The following VPS13A variants were observed in gnomAD, a reference collection of about 807,000 sequenced individuals.
The protein encoded by VPS13A is vacuolar protein sorting 13 homolog A.
A neutral mutation model predicts 390.9 loss-of-function variants in VPS13A; 264 were observed. That is an observed-to-expected ratio of 0.68 (90% CI 0.61 to 0.75). The LOEUF (loss-of-function observed/expected upper bound fraction) is 0.75. Ranked by LOEUF, VPS13A falls within the 30% of genes least tolerant of loss-of-function variation. The pLI is 0.00. For missense variants in VPS13A, 3,409 were observed against 3,733.9 expected (o/e 0.91, Z 2.27); for synonymous variants, 1,231 against 1,227.1 (o/e 1.00, Z -0.07).
chr9:77,221,995 T>C (rs1430461235), intron 13 of VPS13A, among the ~76,000 whole-genome samples: 1 of 152,158 alleles, frequency 6.6e-6, no homozygotes, highest in Non-Finnish European at 1.5e-5. Context: ...TATTTTTGTA[T>C]TAATCTTGTC....
intron 68 of VPS13A, among the ~76,000 whole-genome samples, chr9:77,389,308 C>CTTT (rs57239835): frequency 1.5e-5 from 2 of 137,716 alleles, no homozygotes; most frequent in Admixed American, 7.3e-5. Context: ...AAGCAGAACT[C>CTTT]TTTTTTTTTT....
At chr9:77,319,049 C>T (rs892142002) in intron 41 of VPS13A, among the ~76,000 whole-genome samples, 1 of 151,746 alleles carries the variant, frequency 6.6e-6, no homozygotes, top group African/African-American at 2.4e-5. Flanking sequence ...AAAAATTAGC[C>T]AGTGGTGGTG....
Position 77,227,428 on chromosome 9 carries a change from A to C in VPS13A, c.1395A>C (p.Leu465Phe). Residue 465 changes from leucine to phenylalanine, a missense_variant, in exon 16 of 72, where the codon TTA becomes TTC. By Grantham distance (22) the Leu-to-Phe change is conservative (BLOSUM62 0). Coordinates refer to ENST00000360280, the MANE Select transcript of VPS13A (RefSeq NM_033305.3). ...EEMLTPEEKA[L>F]LYEAIGYSET... The stretch of plus-strand genomic sequence containing the variant: ...TGTTGACACCTGAAGAAAAAGCTTT[A>C]CTCTATGAAGCAATTGGCTATAGTG... 1 of 1,613,610 alleles carries C rather than the reference A, an allele frequency of 6.2e-7. No homozygotes were observed. The highest frequency in any genetic ancestry group is 8.5e-7 in the Non-Finnish European group (1 of 1,179,824).
chr9:77,236,799 T>C (rs1030439607), intron 17 of VPS13A, among the ~76,000 whole-genome samples: 10 of 152,224 alleles, frequency 6.6e-5, no homozygotes, highest in Non-Finnish European at 1.5e-4. Context: ...TGCGCCCATA[T>C]TAATGTAGAT....
chr9:77,209,116 T>G (rs1825834664), intron 5 of VPS13A, among the ~76,000 whole-genome samples: 1 of 152,218 alleles, frequency 6.6e-6, no homozygotes, highest in African/African-American at 2.4e-5. Context: ...TTAAGTCTAT[T>G]GTAATTCTTA....
intron 23 of VPS13A, among the ~76,000 whole-genome samples, chr9:77,271,726 A>G (rs73654005): frequency 0.069 from 10,455 of 152,264 alleles, 409 homozygotes; most frequent in South Asian, 0.12. Context: ...ACGCAGGATT[A>G]CTTGGCAATT....
chr9:77,214,249 C>T, intron 9 of VPS13A, 80 bp from the exon 10 acceptor site: 1 of 1,256,150 alleles, frequency 8.0e-7, no homozygotes, highest in South Asian at 1.2e-5. Flanking sequence ...GCCCTCCAGC[C>T]TGGGTGACAG....
chr9:77,266,930 T>G lies in VPS13A; in HGVS notation c.2428-6350T>G, dbSNP rs1311343146. Reference sequence around the variant, plus strand: ...CTAAGTTGATCTTCAATCTCTGATATCCTTTCTTCCGCTTGATCGATTTGG... The same window carrying G: ...CTAAGTTGATCTTCAATCTCTGATAGCCTTTCTTCCGCTTGATCGATTTGG... On this transcript the variant is annotated intron_variant, in intron 23 of 71. Transcript: ENST00000360280. 3.3e-5 allele frequency among the ~76,000 whole-genome samples: 5 copies of G among 152,140 alleles called. No homozygotes were observed. The East Asian group carries it at 9.7e-4, about 30-fold the overall frequency.
chr9:77,336,182 A>G (rs1830528379), intron 46 of VPS13A, among the ~76,000 whole-genome samples: 1 of 152,110 alleles, frequency 6.6e-6, no homozygotes, highest in Admixed American at 6.5e-5. Context: ...GGAGGGGAAC[A>G]TCACTCCCTG....
In VPS13A at chr9:77,177,716, G is replaced by A. The variant is rs1237975830; in HGVS notation, c.12G>A (p.Glu4=). MVF[E]SVVVDVLNRF... ...CACGGCTGAGGAACATGGTTTTCGA[G>A]TCGGTGGTCGTGGACGTGTTGAACC... Residue 4 remains glutamate (E), a synonymous_variant, in exon 1 of 72, where the codon GAG becomes GAA. Coordinates refer to ENST00000360280, the MANE Select transcript of VPS13A (RefSeq NM_033305.3). 1.2e-6 allele frequency: 2 copies of A among 1,613,492 alleles called. No homozygotes were observed. Among genetic ancestry groups the A allele is most frequent in the East Asian group, 2.2e-5 (1 of 44,834 alleles).
chr9:77,340,874 A>G (rs1830771143), intron 50 of VPS13A, among the ~76,000 whole-genome samples: 1 of 152,200 alleles, frequency 6.6e-6, no homozygotes, highest in Non-Finnish European at 1.5e-5. Flanking sequence ...CTCTCTAGGA[A>G]GCTATTAGGA....
intron 52 of VPS13A, among the ~76,000 whole-genome samples, chr9:77,350,626 T>G (rs1173738399): frequency 6.6e-6 from 1 of 152,188 alleles, no homozygotes; most frequent in East Asian, 1.9e-4. Context: ...ATCATTGAAC[T>G]GTGAGAGTAA....
In VPS13A at chr9:77,329,794, GAATTTA is replaced by G. The variant is rs555653737; in HGVS notation, c.5992-2215_5992-2210del. 2.1e-4 allele frequency among the ~76,000 whole-genome samples: 32 copies of G among 152,226 alleles called. No homozygotes were observed. In the South Asian group the frequency reaches 6.0e-3, roughly 29 times the overall value. On this transcript the variant is annotated intron_variant, in intron 45 of 71. Coordinates refer to ENST00000360280, the MANE Select transcript of VPS13A (RefSeq NM_033305.3). ...TATAAAACAAGGTATGTGTATATATGAATTTACTACTTTTGATAGTCAGGAGAAATG... is the reference window on the plus strand; with the variant it reads ...TATAAAACAAGGTATGTGTATATATGCTACTTTTGATAGTCAGGAGAAATG...
rs193125323 is a variant in VPS13A at position 77,371,056 on chromosome 9, T to A, written c.8984T>A (p.Phe2995Tyr). ...CAAAAAGGAGGAGCAGCTGGTTTCT[T>A]TAAAGGTGTTGGGAAAGGTTTAGTA... The part of the protein sequence containing the change: ...GAQKGGAAGF[F>Y]KGVGKGLVGA... The change falls in exon 67 of 72, where the codon TTT (phenylalanine) becomes TAT (tyrosine). Residue 2995 changes from phenylalanine (F) to tyrosine (Y), a missense_variant. Physicochemically the swap from Phe to Tyr is conservative, Grantham distance 22. Around this residue, in one of 5 missense-constraint regions of VPS13A, gnomAD observed 318 missense variants for 333.7 expected, o/e 0.95. Coordinates refer to ENST00000360280, the MANE Select transcript of VPS13A (RefSeq NM_033305.3). 6.8e-6 allele frequency: 11 copies of A among 1,614,136 alleles called. No individual in the cohort carries two copies. The Admixed American group carries it at 1.7e-4, about 24-fold the overall frequency.
At chr9:77,379,649 C>T (rs1425376962) in intron 67 of VPS13A, among the ~76,000 whole-genome samples, 1 of 152,198 alleles carries the variant, frequency 6.6e-6, no homozygotes, top group Non-Finnish European at 1.5e-5. Flanking sequence ...GCTGGGATTA[C>T]AGGCATGAGC....
At chr9:77,382,485 T>G in intron 68 of VPS13A, 1 of 1,325,280 alleles carries the variant, frequency 7.5e-7, no homozygotes, top group Non-Finnish European at 9.6e-7. Flanking sequence ...CTGGATTTGC[T>G]AGATTTGTTG....
At chr9:77,389,698 T>G (rs1048959121) in intron 68 of VPS13A, 1 of 152,184 alleles carries the variant, frequency 6.6e-6, no homozygotes, top group Non-Finnish European at 1.5e-5. Context: ...TTTCTTCCCT[T>G]TAAGTAAATC....
chr9:77,415,612 G>A (rs1039861906), intron 71 of VPS13A, among the ~76,000 whole-genome samples: 7 of 152,116 alleles, frequency 4.6e-5, no homozygotes, highest in East Asian at 1.9e-4. Flanking sequence ...TACTCCATTA[G>A]TAGAATCCTG....
At chr9:77,351,111 A>G in intron 52 of VPS13A, 2 of 517,266 alleles carry the variant, frequency 3.9e-6, no homozygotes, top group Non-Finnish European at 3.3e-6. Flanking sequence ...TAAGTAGAAC[A>G]TGTATTTTCT....
Sources: allele counts gnomAD v4.1 joint callset (sites outside exome capture counted in the v4.1 genomes callset), GRCh38; gene constraint gnomAD v4.1.1; regional missense constraint gnomAD v4.1.1; transcripts MANE v1.5; gene names NCBI Gene and HGNC (gene_info 2026-07-23, HGNC 2026-07-21).